Variants in SPPL3 observed in about 807,000 individuals in gnomAD.
The protein encoded by SPPL3 is signal peptide peptidase like 3, also known as signal peptide peptidase-like 3.
Under a neutral mutation model 42.4 loss-of-function variants are expected in SPPL3, and 5 were observed. The observed-to-expected ratio is 0.12, with a 90% CI of 0.06 to 0.25. The LOEUF is 0.25. SPPL3 is among the 10% of genes least tolerant of loss of function. The probability of loss-of-function intolerance (pLI) is 1.00; values close to 1 mark genes in which losing one functional copy is unlikely to be tolerated. For missense variants in SPPL3, 235 were observed against 489.0 expected (o/e 0.48, Z 4.90); for synonymous variants, 195 against 181.8 (o/e 1.07, Z -0.58).
rs3078034 is a variant in SPPL3 at position 120,763,808 on chromosome 12, CTTT to C, written c.*1188_*1190del. ...AGGACAGGATTGTGTTGCTTTTTTCCTTTTTTTTTTTCTTAAAGGAGTGAGGGC... is the reference window on the plus strand; with the variant it reads ...AGGACAGGATTGTGTTGCTTTTTTCCTTTTTTTTCTTAAAGGAGTGAGGGC... On this transcript the variant is annotated 3_prime_UTR_variant, in exon 11 of 11. Transcript: ENST00000353487. 1.4e-5 allele frequency: 2 copies of C among 140,160 alleles called. No individual in the cohort carries two copies. The highest frequency in any genetic ancestry group is 1.5e-5 in the Non-Finnish European group (1 of 65,916). The allele number at this position is 140,160 out of a possible 1,614,324, so 8.7% of individuals were successfully genotyped here.
At chr12:120,903,185 C>T (rs1359998251) in intron 1 of SPPL3, 1 of 152,816 alleles carries the variant, frequency 6.5e-6, no homozygotes, top group Admixed American at 6.5e-5. Context: ...CCAACGAATT[C>T]CTTTTCCAGA....
chr12:120,851,658 C>T (rs2137034113), intron 1 of SPPL3, among the ~76,000 whole-genome samples: 1 of 152,244 alleles, frequency 6.6e-6, no homozygotes, highest in Admixed American at 6.5e-5. Context: ...GGCAGGAGTG[C>T]AGTGGCGCAA....
At chr12:120,796,757 T>C (rs1870111493) in intron 2 of SPPL3, among the ~76,000 whole-genome samples, 1 of 152,242 alleles carries the variant, frequency 6.6e-6, no homozygotes, top group African/African-American at 2.4e-5. Context: ...CTCTATCCAA[T>C]GCCAAATGAA....
chr12:120,775,789 G>T (rs609394), intron 6 of SPPL3, among the ~76,000 whole-genome samples: 1 of 152,072 alleles, frequency 6.6e-6, no homozygotes, highest in Admixed American at 6.6e-5. Flanking sequence ...GGAAAATCCC[G>T]AAGTCCATTC....
At chr12:120,788,214 T>C (rs867728785) in intron 3 of SPPL3, among the ~76,000 whole-genome samples, 7 of 152,228 alleles carry the variant, frequency 4.6e-5, no homozygotes, top group African/African-American at 1.4e-4. Context: ...ATTCTGGTGG[T>C]GGGCATGTAG....
intron 1 of SPPL3, among the ~76,000 whole-genome samples, chr12:120,879,129 A>AAG (rs1336430313): frequency 2.6e-5 from 4 of 151,004 alleles, no homozygotes; most frequent in Non-Finnish European, 5.9e-5. Context: ...AAAAAAAAAA[A>AAG]AAAAAAGAAT....
At chr12:120,813,670 T>TA (rs11420575) in intron 1 of SPPL3, among the ~76,000 whole-genome samples, 20,804 of 148,740 alleles carry the variant, frequency 0.14, 2,315 homozygotes, top group African/African-American at 0.32. Flanking sequence ...ATGGGTATGT[T>TA]AAAAAAAAAA....
At chr12:120,864,720 T>A (rs2137045002) in intron 1 of SPPL3, among the ~76,000 whole-genome samples, 1 of 152,350 alleles carries the variant, frequency 6.6e-6, no homozygotes, top group East Asian at 1.9e-4. Context: ...GGTCAGCATG[T>A]AACTCAACCC....
chr12:120,889,360 T>C (rs1799337727), intron 1 of SPPL3, among the ~76,000 whole-genome samples: 2 of 152,236 alleles, frequency 1.3e-5, no homozygotes, highest in Non-Finnish European at 2.9e-5. Context: ...TTTGCAGTTC[T>C]TCCCACTAAT....
intron 1 of SPPL3, among the ~76,000 whole-genome samples, chr12:120,857,425 A>C (rs1206259252): frequency 1.3e-5 from 2 of 152,188 alleles, no homozygotes; most frequent in Non-Finnish European, 2.9e-5. Context: ...GCGATTCCTC[A>C]AGAATCTAGA....
chr12:120,876,616 CAA>C (rs71076676), intron 1 of SPPL3, among the ~76,000 whole-genome samples: 5 of 51,212 alleles, frequency 9.8e-5, no homozygotes, highest in East Asian at 6.8e-4. Flanking sequence ...GACTCTGTCT[CAA>C]AAAAAAAAAA....
intron 2 of SPPL3, among the ~76,000 whole-genome samples, chr12:120,793,986 G>A (rs958449286): frequency 5.9e-5 from 9 of 152,170 alleles, no homozygotes; most frequent in Non-Finnish European, 8.8e-5. Flanking sequence ...TTCTATTATT[G>A]GGAGTGGTAC....
At chr12:120,889,591 G>A (rs767729869) in intron 1 of SPPL3, among the ~76,000 whole-genome samples, 18 of 152,178 alleles carry the variant, frequency 1.2e-4, no homozygotes, top group Non-Finnish European at 1.8e-4. Context: ...CACTTGAAGC[G>A]GAGTCATCTC....
chr12:120,802,399 G>A (rs1177427744), intron 2 of SPPL3, among the ~76,000 whole-genome samples: 202 of 89,724 alleles, frequency 2.3e-3, no homozygotes, highest in African/African-American at 0.015. Context: ...ACACATATAT[G>A]TGTGTGTGTG....
At chr12:120,769,552 TTTTG>T (rs1869037418) in intron 6 of SPPL3, 1 of 153,912 alleles carries the variant, frequency 6.5e-6, no homozygotes, top group African/African-American at 2.4e-5. Context: ...CTTCCTAGAA[TTTTG>T]TTTTTCTTTT....
At chr12:120,847,769 T>C (rs1872092038) in intron 1 of SPPL3, among the ~76,000 whole-genome samples, 2 of 151,960 alleles carry the variant, frequency 1.3e-5, no homozygotes. Context: ...TTGAATCTAG[T>C]AAAAAGGGAG....
intron 6 of SPPL3, among the ~76,000 whole-genome samples, chr12:120,772,188 A>G (rs947867431): frequency 1.3e-5 from 2 of 151,888 alleles, no homozygotes; most frequent in Non-Finnish European, 2.9e-5. Context: ...CACCCAGCTA[A>G]TTTTTGCATT....
intron 1 of SPPL3, among the ~76,000 whole-genome samples, chr12:120,887,603 G>T (rs976847731): frequency 2.0e-5 from 3 of 152,176 alleles, no homozygotes; most frequent in African/African-American, 7.2e-5. Flanking sequence ...GCACGCAAAA[G>T]AAATAAGAAG....
chr12:120,768,239 A>T, intron 8 of SPPL3, 86 bp downstream of exon 8: 1 of 1,467,176 alleles, frequency 6.8e-7, no homozygotes, highest in Non-Finnish European at 9.1e-7. Context: ...TGGGATCAGA[A>T]TGCTGATGAC....
Sources: allele counts gnomAD v4.1 joint callset (sites outside exome capture counted in the v4.1 genomes callset), GRCh38; gene constraint gnomAD v4.1.1; transcripts MANE v1.5; gene names NCBI Gene and HGNC (gene_info 2026-07-23, HGNC 2026-07-21).